MAP4K5: variants seen among roughly 807,000 people sequenced by gnomAD.
The protein encoded by MAP4K5 is MAPK/ERK kinase kinase kinase 5.
A neutral mutation model predicts 135.6 loss-of-function variants in MAP4K5; 82 were observed. The observed-to-expected ratio is 0.60, with a 90% confidence interval of 0.51 to 0.73. The LOEUF is 0.73. Ranked by LOEUF, MAP4K5 falls within the 30% of genes least tolerant of loss-of-function variation. MAP4K5 has a pLI of 0.00. For synonymous variants in MAP4K5, 347 were observed against 335.0 expected, an observed-to-expected ratio of 1.04 and a Z score of -0.39; for missense variants, 907 against 1,010.9, an observed-to-expected ratio of 0.90 and a Z score of 1.39.
intron 26 of MAP4K5, among the ~76,000 whole-genome samples, chr14:50,436,250 A>G (rs1459573013): frequency 6.6e-6 from 1 of 152,172 alleles, no homozygotes; most frequent in Non-Finnish European, 1.5e-5. Flanking sequence ...TATGTAGTAA[A>G]GAACTTAACC....
chr14:50,533,184 C>G (rs116603790), upstream of MAP4K5: 1 of 152,252 alleles, frequency 6.6e-6, no homozygotes, highest in Non-Finnish European at 1.5e-5. Context: ...TGACCTTTGT[C>G]CCTGTTGGGC....
At chr14:50,520,291 T>C (rs949332215) in intron 2 of MAP4K5, among the ~76,000 whole-genome samples, 1 of 152,078 alleles carries the variant, frequency 6.6e-6, no homozygotes, top group African/African-American at 2.4e-5. Flanking sequence ...CTGAGGTCGG[T>C]AGTTCAAGAC....
chr14:50,448,851 G>A lies in MAP4K5; in HGVS notation c.1016-19C>T. 7.8e-7 allele frequency: 1 copy of A among 1,286,426 alleles called. No individual in the cohort carries two copies. The highest frequency in any genetic ancestry group is 2.9e-5 in the East Asian group (1 of 34,586). The allele number at this position is 1,286,426 out of a possible 1,614,324, so 79.7% of individuals were successfully genotyped here. On this transcript the variant is annotated intron_variant, in intron 14 of 32. Transcript: ENST00000682126. ...TTGTCAACTGCAAAATATATAACAG[G>A]TATGTACAAACTCAGCATCTCAAAG...
intron 17 of MAP4K5, among the ~76,000 whole-genome samples, chr14:50,445,572 T>C (rs115178482): frequency 0.01 from 1,588 of 152,296 alleles, 31 homozygotes; most frequent in African/African-American, 0.035. Context: ...CCTTTTTCTT[T>C]CTTTCTTTTT....
intron 2 of MAP4K5, among the ~76,000 whole-genome samples, chr14:50,506,428 G>A (rs1460559673): frequency 6.6e-6 from 1 of 152,018 alleles, no homozygotes; most frequent in African/African-American, 2.4e-5. Context: ...ACAGGATCTC[G>A]GCTCACTGCA....
At chr14:50,544,324 A>T (rs2038601347) in intron 1 of MAP4K5, among the ~76,000 whole-genome samples, 1 of 152,228 alleles carries the variant, frequency 6.6e-6, no homozygotes, top group African/African-American at 2.4e-5. Context: ...TTACTATCAG[A>T]ACCACAATTT....
At chr14:50,430,232 A>G (rs2035938856) in intron 28 of MAP4K5, among the ~76,000 whole-genome samples, 1 of 152,202 alleles carries the variant, frequency 6.6e-6, no homozygotes, top group Non-Finnish European at 1.5e-5. Context: ...ACAAAATGTC[A>G]TCTAGGTTAC....
Position 50,524,334 on chromosome 14 carries a change from T to C in MAP4K5, c.108+7608A>G, listed in dbSNP as rs1438771419. Among the ~76,000 whole-genome samples the C allele has an allele frequency of 2.0e-5, 3 of 152,146 alleles. No homozygotes were observed. In the East Asian group the frequency reaches 5.8e-4, roughly 29 times the overall value. On this transcript the variant is annotated intron_variant, in intron 2 of 32. Coordinates refer to ENST00000682126, the MANE Select transcript of MAP4K5 (RefSeq NM_006575.6). ...CTTACCAATCATACCTCAACTCTAC[T>C]CTTAATGAACCCTTCCAACTCCTTG...
intron 3 of MAP4K5, among the ~76,000 whole-genome samples, chr14:50,491,376 G>A (rs1014981206): frequency 4.0e-5 from 6 of 148,880 alleles, no homozygotes; most frequent in Admixed American, 1.3e-4. Context: ...AGGCTAAAGT[G>A]CAGTGGTGTG....
intron 1 of MAP4K5, among the ~76,000 whole-genome samples, chr14:50,547,272 T>C (rs1347637216): frequency 6.6e-6 from 1 of 152,330 alleles, no homozygotes; most frequent in Non-Finnish European, 1.5e-5. Flanking sequence ...TTGTGTAATT[T>C]AAAATCTTAA....
At chr14:50,514,907 C>CT (rs11307400) in intron 2 of MAP4K5, among the ~76,000 whole-genome samples, 1 of 138,242 alleles carries the variant, frequency 7.2e-6, no homozygotes, top group African/African-American at 2.7e-5. Flanking sequence ...CATCCTTATT[C>CT]TTTTTTTTTT....
intron 10 of MAP4K5, among the ~76,000 whole-genome samples, chr14:50,468,123 T>C (rs2036872797): frequency 6.6e-6 from 1 of 152,070 alleles, no homozygotes; most frequent in African/African-American, 2.4e-5. Context: ...TCTTCATTAT[T>C]CCTGGATAAA....
chr14:50,538,413 A>G (rs1405838664), intron 2 of MAP4K5, among the ~76,000 whole-genome samples: 2 of 152,174 alleles, frequency 1.3e-5, no homozygotes, highest in African/African-American at 2.4e-5. Context: ...GTTAACCTTT[A>G]TCGTCAGAGT....
intron 3 of MAP4K5, among the ~76,000 whole-genome samples, chr14:50,501,484 T>C (rs2037704742): frequency 6.6e-6 from 1 of 151,796 alleles, no homozygotes; most frequent in South Asian, 2.1e-4. Context: ...TAAACATCTC[T>C]CCAAACAATA....
chr14:50,520,889 C>T (rs1308638706), intron 2 of MAP4K5, among the ~76,000 whole-genome samples: 1 of 143,624 alleles, frequency 7.0e-6, no homozygotes, highest in Non-Finnish European at 1.5e-5. Context: ...GTGGCGCGAT[C>T]TTTGCCCACC....
At chr14:50,494,419 G>T (rs2037552019) in intron 3 of MAP4K5, among the ~76,000 whole-genome samples, 1 of 151,994 alleles carries the variant, frequency 6.6e-6, no homozygotes, top group African/African-American at 2.4e-5. Context: ...GCCCACTTCA[G>T]CCTCCCAAAG....
In MAP4K5 at chr14:50,486,088, C is replaced by T. The variant is rs189705572; in HGVS notation, c.257+16G>A. 8,231 of 996,772 alleles carry T rather than the reference C, an allele frequency of 8.3e-3. 56 individuals carry two copies. Among genetic ancestry groups the T allele is most frequent in the Non-Finnish European group, 0.011 (7,003 of 662,042 alleles). 61.7% of individuals were successfully genotyped at this position (996,772 alleles called of 1,614,324 possible). A position where few individuals can be genotyped will look rare whatever the true frequency, so the allele number is the denominator to read the frequency against. ...ATATAAAATACAGAGAGAGATGATGCTTTTTTTTCTCTTACCTAAGATAAC... is the reference window on the plus strand; with the variant it reads ...ATATAAAATACAGAGAGAGATGATGTTTTTTTTTCTCTTACCTAAGATAAC... On this transcript the variant is annotated intron_variant, in intron 4 of 32. Transcript: ENST00000682126.
chr14:50,427,663 T>C (rs912177211), intron 30 of MAP4K5, among the ~76,000 whole-genome samples: 1 of 152,208 alleles, frequency 6.6e-6, no homozygotes, highest in Admixed American at 6.5e-5. Flanking sequence ...TTTAAAAATG[T>C]TTCCATTCAT....
At chr14:50,502,209 T>C (rs2037720915) in intron 3 of MAP4K5, among the ~76,000 whole-genome samples, 1 of 152,150 alleles carries the variant, frequency 6.6e-6, no homozygotes. Context: ...ACGTCTGCAA[T>C]TCAAAAAACT....
Sources: allele counts gnomAD v4.1 joint callset (sites outside exome capture counted in the v4.1 genomes callset), GRCh38; gene constraint gnomAD v4.1.1; transcripts MANE v1.5; gene names NCBI Gene and HGNC (gene_info 2026-07-23, HGNC 2026-07-21).